GABRB1: variants seen among roughly 807,000 people sequenced by gnomAD.
GABRB1 encodes the protein gamma-aminobutyric acid type A receptor subunit beta1.
GABRB1 carries 17 observed loss-of-function variants against 51.6 expected under a neutral mutation model. The observed-to-expected ratio is 0.33, with a 90% CI of 0.23 to 0.49. GABRB1 has a LOEUF of 0.49. GABRB1 is among the 20% of genes least tolerant of loss of function. The probability of loss-of-function intolerance (pLI) is 0.99; values close to 1 mark genes in which losing one functional copy is unlikely to be tolerated. For missense variants in GABRB1, 410 were observed against 600.6 expected, an observed-to-expected ratio of 0.68 and a Z score of 3.32; for synonymous variants, 247 against 218.9, an observed-to-expected ratio of 1.13 and a Z score of -1.14.
intron 5 of GABRB1, among the ~76,000 whole-genome samples, chr4:47,369,796 T>G (rs768042625): frequency 6.6e-6 from 1 of 152,036 alleles, no homozygotes; most frequent in South Asian, 2.1e-4. Context: ...ACCATGAAAA[T>G]ATAATGAACA....
chr4:47,109,155 C>T (rs957300084), intron 3 of GABRB1, among the ~76,000 whole-genome samples: 13 of 151,936 alleles, frequency 8.6e-5, no homozygotes, highest in South Asian at 2.1e-4. Context: ...GGATGCTTAA[C>T]GTGAATGTGG....
intron 3 of GABRB1, among the ~76,000 whole-genome samples, chr4:47,106,053 G>A (rs1438158926): frequency 7.2e-5 from 11 of 152,022 alleles, no homozygotes; most frequent in Non-Finnish European, 1.5e-5. Context: ...TGTGACCTCA[G>A]CACTCATTAA....
intron 8 of GABRB1, among the ~76,000 whole-genome samples, chr4:47,418,502 A>C (rs1193966653): frequency 6.6e-6 from 1 of 152,198 alleles, no homozygotes; most frequent in Non-Finnish European, 1.5e-5. Flanking sequence ...ACTTACAGTA[A>C]CTGTAAATGC....
chr4:47,132,632 G>GAATACTCAACTGGA (rs1380105949), intron 3 of GABRB1, among the ~76,000 whole-genome samples: 3 of 152,216 alleles, frequency 2.0e-5, no homozygotes, highest in Non-Finnish European at 4.4e-5. Flanking sequence ...ACCAAGTGTG[G>GAATACTCAACTGGA]AATACTCAAC....
chr4:47,334,829 A>T (rs9291305), intron 5 of GABRB1, among the ~76,000 whole-genome samples: 94,769 of 152,004 alleles, frequency 0.62, 29,720 homozygotes, highest in East Asian at 0.7. Context: ...TTTTTTGATG[A>T]TTCAAGGTCA....
intron 4 of GABRB1, among the ~76,000 whole-genome samples, chr4:47,222,613 C>T (rs536413764): frequency 2.9e-4 from 44 of 152,192 alleles, no homozygotes; most frequent in African/African-American, 8.7e-4. Context: ...CTTAGACCAC[C>T]TAGCCATAGC....
chr4:47,035,506 G>C (rs1397725188), intron 3 of GABRB1, among the ~76,000 whole-genome samples: 1 of 152,056 alleles, frequency 6.6e-6, no homozygotes, highest in African/African-American at 2.4e-5. Context: ...TGGCATCATG[G>C]GATATACTGT....
chr4:47,026,002 C>G (rs1725080138), intron 1 of GABRB1, among the ~76,000 whole-genome samples: 2 of 152,010 alleles, frequency 1.3e-5, no homozygotes, highest in Non-Finnish European at 2.9e-5. Flanking sequence ...AGTTTCAACT[C>G]TATTGAGGTG....
At chr4:47,317,929 A>G (rs754321405) in intron 4 of GABRB1, among the ~76,000 whole-genome samples, 3 of 151,892 alleles carry the variant, frequency 2.0e-5, no homozygotes, top group Non-Finnish European at 4.4e-5. Context: ...AATCCTTTTA[A>G]TGTGCTATTG....
intron 3 of GABRB1, among the ~76,000 whole-genome samples, chr4:47,052,961 G>A (rs1048839258): frequency 6.6e-6 from 1 of 152,178 alleles, no homozygotes; most frequent in African/African-American, 2.4e-5. Flanking sequence ...GGGAAGAGTA[G>A]AATGAGGCGC....
intron 3 of GABRB1, among the ~76,000 whole-genome samples, chr4:47,042,842 A>G (rs1208915493): frequency 6.6e-6 from 1 of 151,990 alleles, no homozygotes; most frequent in Admixed American, 6.6e-5. Flanking sequence ...CTGCCTAGTC[A>G]TTTTGTATGT....
chr4:47,147,326 T>C (rs1717218038), intron 3 of GABRB1, among the ~76,000 whole-genome samples: 2 of 152,040 alleles, frequency 1.3e-5, no homozygotes. Flanking sequence ...TACAACCTCA[T>C]ATTCCTCTGC....
intron 5 of GABRB1, among the ~76,000 whole-genome samples, chr4:47,320,762 T>C (rs1400963736): frequency 1.6e-5 from 2 of 126,196 alleles, no homozygotes; most frequent in East Asian, 4.5e-4. Context: ...TGTTTTCTTT[T>C]CTTTTTTCTT....
intron 4 of GABRB1, among the ~76,000 whole-genome samples, chr4:47,259,740 T>G (rs1560302207): frequency 6.6e-6 from 1 of 152,216 alleles, no homozygotes; most frequent in African/African-American, 2.4e-5. Context: ...AAACTTCATA[T>G]CTGAGCCAAG....
chr4:47,074,212 A>G (rs1727457830), intron 3 of GABRB1, among the ~76,000 whole-genome samples: 6 of 152,230 alleles, frequency 3.9e-5, no homozygotes, highest in Admixed American at 3.3e-4. Flanking sequence ...ACTAAAAGAT[A>G]GTATATTAAA....
chr4:47,309,699 C>G (rs1309409994), intron 4 of GABRB1, among the ~76,000 whole-genome samples: 2 of 151,776 alleles, frequency 1.3e-5, no homozygotes, highest in African/African-American at 4.8e-5. Context: ...ACCAAAGTAG[C>G]AAATGAAATT....
chr4:47,119,323 A>T (rs548546836), intron 3 of GABRB1, among the ~76,000 whole-genome samples: 1 of 152,226 alleles, frequency 6.6e-6, no homozygotes, highest in African/African-American at 2.4e-5. Flanking sequence ...TCAAATTTAG[A>T]AGAAAATAGG....
At chr4:47,074,367 T>C (rs1473338201) in intron 3 of GABRB1, among the ~76,000 whole-genome samples, 1 of 152,206 alleles carries the variant, frequency 6.6e-6, no homozygotes, top group Admixed American at 6.5e-5. Context: ...CCTGGTAACA[T>C]GTAAGGCTAA....
chr4:47,210,551 A>G (rs1051593514), intron 4 of GABRB1, among the ~76,000 whole-genome samples: 1 of 152,178 alleles, frequency 6.6e-6, no homozygotes, highest in Non-Finnish European at 1.5e-5. Context: ...AATCTTGAAT[A>G]GGGATACTAA....
Sources: gnomAD v4.1 joint callset for allele counts (sites outside exome capture counted in the v4.1 genomes callset) on GRCh38, gnomAD v4.1.1 for gene constraint, MANE v1.5 for transcripts, NCBI Gene and HGNC (gene_info 2026-07-23, HGNC 2026-07-21) for gene names.